MYBPC1: variants seen among roughly 807,000 people sequenced by gnomAD.
MYBPC1 encodes myosin binding protein C1, also known as myosin-binding protein C, slow-type.
In MYBPC1, 52 loss-of-function variants were observed where a neutral mutation model predicts 147.1. The ratio of observed to expected loss-of-function variants is 0.35; its 90% confidence interval spans 0.28 to 0.45. The LOEUF (loss-of-function observed/expected upper bound fraction) is 0.45. Among genes scored for constraint, MYBPC1 ranks in the 20% least tolerant of loss-of-function variants. The probability of loss-of-function intolerance (pLI) is 1.00; values close to 1 mark genes in which losing one functional copy is unlikely to be tolerated. For missense variants in MYBPC1, 1,228 were observed against 1,440.3 expected (o/e 0.85, Z 2.39); for synonymous variants, 477 against 475.9 (o/e 1.00, Z -0.03).
chr12:101,598,854 C>CT (rs1565869626), intron 1 of MYBPC1, among the ~76,000 whole-genome samples: 10 of 151,970 alleles, frequency 6.6e-5, no homozygotes, highest in African/African-American at 2.4e-5. Context: ...AGTGCTGAGA[C>CT]TACAGGTGTG....
chr12:101,606,692 A>G (rs1437669405), intron 1 of MYBPC1, among the ~76,000 whole-genome samples: 1 of 152,228 alleles, frequency 6.6e-6, no homozygotes, highest in Non-Finnish European at 1.5e-5. Context: ...AGTGGGGAAC[A>G]AAATAAGCAA....
intron 10 of MYBPC1, among the ~76,000 whole-genome samples, chr12:101,638,603 C>T (rs1398168444): frequency 6.6e-6 from 1 of 152,046 alleles, no homozygotes; most frequent in Admixed American, 6.6e-5. Flanking sequence ...GGAGACAACA[C>T]ACAAACACAT....
chr12:101,676,879 C>T (rs1900115276), intron 26 of MYBPC1, among the ~76,000 whole-genome samples: 1 of 151,888 alleles, frequency 6.6e-6, no homozygotes. Flanking sequence ...CTTTATTCTA[C>T]AAAAGATAGC....
intron 3 of MYBPC1, among the ~76,000 whole-genome samples, chr12:101,618,024 C>T (rs115056847): frequency 0.012 from 1,767 of 152,180 alleles, 34 homozygotes; most frequent in African/African-American, 0.041. Flanking sequence ...TAAAAGTGAA[C>T]CTTTTATTTG....
chr12:101,627,925 A>G (rs1346465047), intron 5 of MYBPC1, 121 bp downstream of exon 5: 1 of 1,149,594 alleles, frequency 8.7e-7, no homozygotes, highest in Admixed American at 1.9e-5. Context: ...TTTTACGGCA[A>G]TCTTTCATTA....
intron 20 of MYBPC1, among the ~76,000 whole-genome samples, chr12:101,661,762 A>G (rs3794280): frequency 0.63 from 95,157 of 151,086 alleles, 31,297 homozygotes; most frequent in Admixed American, 0.75. Flanking sequence ...GGTGGTGCGC[A>G]CCTGTGGTCC....
intron 13 of MYBPC1, 44 bp downstream of exon 13, chr12:101,646,931 T>G (rs1479717662): frequency 6.2e-7 from 1 of 1,610,256 alleles, no homozygotes; most frequent in Non-Finnish European, 8.5e-7. Flanking sequence ...AGCTGTTGGC[T>G]TCTTCTCCCA....
chr12:101,649,488 G>T (rs1320353589), intron 15 of MYBPC1, 62 bp downstream of exon 15: 1 of 1,576,926 alleles, frequency 6.3e-7, no homozygotes, highest in East Asian at 2.2e-5. Flanking sequence ...GTGTTAATTC[G>T]GTTTCAGAAA....
At chr12:101,621,911 G>A (rs1215021636) in intron 3 of MYBPC1, among the ~76,000 whole-genome samples, 3 of 152,024 alleles carry the variant, frequency 2.0e-5, no homozygotes, top group Non-Finnish European at 4.4e-5. Context: ...CTACTTTCTA[G>A]AATTTCTTCT....
At chr12:101,681,193 A>T (rs1950915499) in intron 29 of MYBPC1, among the ~76,000 whole-genome samples, 2 of 152,118 alleles carry the variant, frequency 1.3e-5, no homozygotes, top group East Asian at 3.9e-4. Flanking sequence ...ATAACCTGCC[A>T]TCTTAATCAA....
At chr12:101,628,247 T>C (rs11110896) in intron 5 of MYBPC1, 1 of 234,688 alleles carries the variant, frequency 4.3e-6, no homozygotes, top group African/African-American at 2.3e-5. Flanking sequence ...TATGATCCTA[T>C]TATGGGCCTC....
intron 24 of MYBPC1, among the ~76,000 whole-genome samples, chr12:101,671,746 C>G (rs532704112): frequency 1.3e-5 from 2 of 152,152 alleles, no homozygotes; most frequent in African/African-American, 4.8e-5. Flanking sequence ...TGGGGGTCTG[C>G]GTGTTCAGCT....
rs759342445 is a variant in MYBPC1 at position 101,629,472 on chromosome 12, G to A, written c.217G>A (p.Ala73Thr). Residue 73 changes from alanine to threonine, a missense_variant, in exon 6 of 32, where the codon GCC becomes ACC. Ala to Thr is a moderately conservative substitution (Grantham distance 58, BLOSUM62 0). Coordinates refer to ENST00000361466, the MANE Select transcript of MYBPC1 (RefSeq NM_002465.4). ...LVETPPGEEQ[A>T]KQNANSQLSI... ...CGAAACTCCTCCTGGGGAGGAACAA[G>A]CCAAGCAGAATGCCAACTCCCAGCT... is the stretch of plus-strand genomic sequence containing the variant. 2.6e-5 allele frequency: 42 copies of A among 1,613,996 alleles called. No individual in the cohort carries two copies. The highest frequency in any genetic ancestry group is 3.3e-4 in the Middle Eastern group (2 of 6,062).
rs369016543 is a variant in MYBPC1 at position 101,659,693 on chromosome 12, C to T, written c.1789C>T (p.Arg597Trp). 8.1e-6 allele frequency: 13 copies of T among 1,613,866 alleles called. No individual in the cohort carries two copies. The highest frequency in any genetic ancestry group is 1.6e-4 in the Middle Eastern group (1 of 6,084). Residue 597 changes from arginine to tryptophan, a missense_variant, in exon 19 of 32, where the codon CGG becomes TGG. Physicochemically the swap from Arg to Trp is moderately radical, Grantham distance 101. Coordinates refer to ENST00000361466, the MANE Select transcript of MYBPC1 (RefSeq NM_002465.4). ...GDKAIMEGSG[R>W]IRTESYPDSS... The stretch of plus-strand genomic sequence containing the variant: ...TTAGGCTATTATGGAAGGCAGTGGC[C>T]GGATAAGAACAGAATCTTACCCTGA...
chr12:101,689,119 G>A (rs773269180), downstream of MYBPC1, among the ~76,000 whole-genome samples: 8 of 152,150 alleles, frequency 5.3e-5, no homozygotes, highest in African/African-American at 1.9e-4. Context: ...TTATGTATTC[G>A]TTATTGTCAA....
chr12:101,663,909 T>G (rs1044292714), intron 22 of MYBPC1, among the ~76,000 whole-genome samples: 10 of 152,150 alleles, frequency 6.6e-5, no homozygotes, highest in Non-Finnish European at 1.0e-4. Context: ...ATGAAGCCAG[T>G]TGGAAATTCT....
chr12:101,636,922 G>A, intron 10 of MYBPC1, 194 bp downstream of exon 10: 1 of 567,384 alleles, frequency 1.8e-6, no homozygotes, highest in East Asian at 3.0e-5. Flanking sequence ...GCCTTTAACA[G>A]TTGCTTTTAA....
Position 101,652,925 on chromosome 12 carries a change from T to C in MYBPC1, c.1633+141T>C. The C allele has an allele frequency of 3.7e-6, 4 of 1,068,822 alleles. No individual in the cohort carries two copies. The Admixed American group carries it at 6.0e-5, about 16-fold the overall frequency. 66.2% of individuals were successfully genotyped at this position (1,068,822 alleles called of 1,614,324 possible). ...GGTATTAATCACCAATCAGAAAGAT[T>C]GGTGACTTATACCAACACCTTACAA... On this transcript the variant is annotated intron_variant, in intron 17 of 31. Transcript: ENST00000361466.
At position 101,631,876 on chromosome 12, in the gene MYBPC1, G is replaced by T; in HGVS notation, c.439-145G>T. 5.3e-6 allele frequency: 7 copies of T among 1,324,758 alleles called. No individual in the cohort carries two copies. In the South Asian group the frequency reaches 8.4e-5, roughly 16 times the overall value. The allele number at this position is 1,324,758 out of a possible 1,614,324, so 82.1% of individuals were successfully genotyped here. ...TACACTCTATTGCGATTGCCCGGCTGTGTCCGGGGGCTACAGGACACATTT... is the reference window on the plus strand; with the variant it reads ...TACACTCTATTGCGATTGCCCGGCTTTGTCCGGGGGCTACAGGACACATTT... On this transcript the variant is annotated intron_variant, in intron 7 of 31. Coordinates refer to ENST00000361466, the MANE Select transcript of MYBPC1 (RefSeq NM_002465.4).
Sources: gnomAD v4.1 joint callset for allele counts (sites outside exome capture counted in the v4.1 genomes callset) on GRCh38, gnomAD v4.1.1 for gene constraint, MANE v1.5 for transcripts, NCBI Gene and HGNC (gene_info 2026-07-23, HGNC 2026-07-21) for gene names.